The following IQSEC1 variants were observed in gnomAD, a reference collection of about 807,000 sequenced individuals.
IQSEC1 encodes IQ motif and SEC7 domain-containing protein 1.
Under a neutral mutation model 91.0 loss-of-function variants are expected in IQSEC1, and 31 were observed. That is an observed-to-expected ratio of 0.34 (90% confidence interval 0.26 to 0.46). The LOEUF (loss-of-function observed/expected upper bound fraction) is 0.46, where lower values mean the gene tolerates loss of function less well. Ranked by LOEUF, IQSEC1 falls within the 20% of genes least tolerant of loss-of-function variation. The probability of loss-of-function intolerance (pLI) is 1.00; values close to 1 mark genes in which losing one functional copy is unlikely to be tolerated. For synonymous variants in IQSEC1, 699 were observed against 662.6 expected, an observed-to-expected ratio of 1.05 and a Z score of -0.84; for missense variants, 1,388 against 1,575.6, an observed-to-expected ratio of 0.88 and a Z score of 2.02.
Position 12,967,396 on chromosome 3 carries a change from A to C in IQSEC1, c.24-25531T>G. 1 of 1,535,378 alleles carries C rather than the reference A, an allele frequency of 6.5e-7. No individual in the cohort carries two copies. Among genetic ancestry groups the C allele is most frequent in the South Asian group, 1.2e-5 (1 of 83,278 alleles). On this transcript the variant is annotated intron_variant, in intron 1 of 13. Transcript: ENST00000613206. This position sits in a 1 kb window ranked among gnomAD's most constrained non-coding sequence, Gnocchi z 5.9. ...CGCGCCGCGCCCTCACCCGCTGTCA[A>C]GCTCTAGCTCCAGAAGGGACTGGGT...
rs772802850 is a variant in IQSEC1, at chr3:12,936,667, G to GC, written c.348dup (p.Arg117AlafsTer52). 2.5e-6 allele frequency: 4 copies of GC among 1,593,874 alleles called. No homozygotes were observed. The highest frequency in any genetic ancestry group is 1.1e-5 in the South Asian group (1 of 88,810). On this transcript the variant is annotated frameshift_variant, in exon 3 of 14. Transcript: ENST00000613206. LOFTEE classifies it high-confidence loss of function. ...CGGGCCGCATGGCGGGTTACCAGGC[G>GC]CCCCCCATACTTTCGTTCTAGCATC...
At chr3:13,028,267 G>A (rs147494337) in intron 1 of IQSEC1, among the ~76,000 whole-genome samples, 169 of 152,360 alleles carry the variant, frequency 1.1e-3, no homozygotes, top group African/African-American at 3.9e-3. Flanking sequence ...CCCTTATTTT[G>A]CAAATAAAAC....
chr3:12,994,400 C>T lies in IQSEC1; in HGVS notation c.24-52535G>A, dbSNP rs987612405. ...GTGCCGCCCCGGCCGCCGACGTCACCCGAGCCTGGACGAGTGGAGGGCGCT... is the reference window on the plus strand; with the variant it reads ...GTGCCGCCCCGGCCGCCGACGTCACTCGAGCCTGGACGAGTGGAGGGCGCT... On this transcript the variant is annotated intron_variant, in intron 1 of 13. Coordinates refer to ENST00000613206, the MANE Select transcript of IQSEC1 (RefSeq NM_001134382.3). This position sits in a 1 kb window ranked among gnomAD's most constrained non-coding sequence, Gnocchi z 4.5. Among the ~76,000 whole-genome samples, 12 of 152,092 alleles carry T rather than the reference C, an allele frequency of 7.9e-5. No individual in the cohort carries two copies. Among genetic ancestry groups the T allele is most frequent in the African/African-American group, 2.7e-4 (11 of 41,440 alleles).
intron 2 of IQSEC1, among the ~76,000 whole-genome samples, chr3:13,104,270 G>A (rs986228977): frequency 1.3e-5 from 2 of 152,132 alleles, no homozygotes; most frequent in African/African-American, 2.4e-5. Context: ...AGTCTGTTGG[G>A]GCAAATCTAG....
At chr3:13,251,381 G>C (rs901849312) in intron 1 of IQSEC1, among the ~76,000 whole-genome samples, 7 of 152,138 alleles carry the variant, frequency 4.6e-5, no homozygotes, top group African/African-American at 1.7e-4. Context: ...TCCTTGTATT[G>C]TGCACTGTGG....
In IQSEC1 at chr3:12,907,067, C is replaced by T. The variant is rs138110056; in HGVS notation, c.2755+1282G>A. 3.7e-3 allele frequency among the ~76,000 whole-genome samples: 566 copies of T among 152,204 alleles called. 5 individuals are homozygous for T. Among genetic ancestry groups the T allele is most frequent in the African/African-American group, 0.013 (539 of 41,504 alleles). On this transcript the variant is annotated intron_variant, in intron 12 of 13. Coordinates refer to ENST00000613206, the MANE Select transcript of IQSEC1 (RefSeq NM_001134382.3). Reference sequence around the variant, plus strand: ...CAACCAGTAGTAGAGGCCAGGAATGCGAGTAAACATCTTGCCAAGCCCGGG... The same window carrying T: ...CAACCAGTAGTAGAGGCCAGGAATGTGAGTAAACATCTTGCCAAGCCCGGG...
intron 2 of IQSEC1, among the ~76,000 whole-genome samples, chr3:13,110,504 G>A (rs1046709809): frequency 3.3e-5 from 5 of 152,108 alleles, no homozygotes; most frequent in African/African-American, 4.8e-5. Context: ...CAGGAGAATC[G>A]TTTGAACCCG....
At chr3:13,226,235 T>A (rs762169025) in intron 1 of IQSEC1, among the ~76,000 whole-genome samples, 1 of 152,220 alleles carries the variant, frequency 6.6e-6, no homozygotes, top group Non-Finnish European at 1.5e-5. Context: ...GAACACAGAT[T>A]CTGAAACCAG....
intron 1 of IQSEC1, among the ~76,000 whole-genome samples, chr3:12,971,969 G>A (rs972414919): frequency 3.3e-5 from 5 of 151,972 alleles, no homozygotes; most frequent in South Asian, 2.1e-4. Context: ...AGCCGAGATC[G>A]TGCCACTGCA....
chr3:12,901,951 C>T (rs1275762924), intron 13 of IQSEC1, among the ~76,000 whole-genome samples: 1 of 151,852 alleles, frequency 6.6e-6, no homozygotes, highest in Non-Finnish European at 1.5e-5. Context: ...ACAGGGCCCT[C>T]AGCTCTCCTG....
chr3:12,955,714 T>C (rs1342855140), intron 1 of IQSEC1, among the ~76,000 whole-genome samples: 2 of 152,366 alleles, frequency 1.3e-5, no homozygotes, highest in East Asian at 3.9e-4. Context: ...CAAAGCCCTT[T>C]ATTCTCCCGA....
intron 1 of IQSEC1, among the ~76,000 whole-genome samples, chr3:13,006,563 C>A (rs1479258737): frequency 6.6e-6 from 1 of 152,230 alleles, no homozygotes; most frequent in African/African-American, 2.4e-5. Context: ...CCAAGGGCAA[C>A]CAGCACAACT....
intron 1 of IQSEC1, among the ~76,000 whole-genome samples, chr3:13,265,651 G>A (rs1333871665): frequency 6.6e-6 from 1 of 152,102 alleles, no homozygotes. Context: ...TCCCTCTGGT[G>A]CAGCCACTGT....
intron 1 of IQSEC1, among the ~76,000 whole-genome samples, chr3:12,982,356 A>C (rs1559696969): frequency 6.6e-6 from 1 of 152,338 alleles, no homozygotes; most frequent in East Asian, 1.9e-4. Context: ...AATTAAAATT[A>C]AGACATCATC....
intron 3 of IQSEC1, among the ~76,000 whole-genome samples, chr3:12,926,900 C>T (rs1031154571): frequency 3.9e-5 from 6 of 152,344 alleles, no homozygotes; most frequent in East Asian, 1.9e-4. Flanking sequence ...CAGACACCAG[C>T]CAGCTTGGTC....
chr3:13,254,706 C>G lies in IQSEC1; in HGVS notation c.272+28005G>C, dbSNP rs954229493. On this transcript the variant is annotated intron_variant, in intron 1 of 15. Transcript: ENST00000648114. The stretch of plus-strand genomic sequence containing the variant: ...TTTCCTCCCTCCTCCTCCATGGACT[C>G]AAGTCCAGGTTCTACCACTCTACTG... 3.3e-5 allele frequency among the ~76,000 whole-genome samples: 5 copies of G among 152,232 alleles called. 1 individual carries two copies. The East Asian group carries it at 9.6e-4, about 29-fold the overall frequency.
intron 2 of IQSEC1, among the ~76,000 whole-genome samples, chr3:13,161,318 G>T (rs1390082791): frequency 6.6e-6 from 1 of 152,180 alleles, no homozygotes. Context: ...GGGGAGGGCC[G>T]TGGTCACACT....
rs375158193 is a variant in IQSEC1 at position 13,191,010 on chromosome 3, C to T, written c.273-26877G>A. 1.1e-3 allele frequency among the ~76,000 whole-genome samples: 170 copies of T among 152,320 alleles called. 4 individuals carry two copies. In the South Asian group the frequency reaches 0.034, roughly 30 times the overall value. On this transcript the variant is annotated intron_variant, in intron 1 of 15. Coordinates refer to the IQSEC1 transcript ENST00000648114. ...CTCCGACAGCACCCCTCCTCCTGCC[C>T]CCAACACACCCCTTGCCATGGCCGT...
chr3:12,947,394 T>C (rs746527548), intron 1 of IQSEC1, among the ~76,000 whole-genome samples: 1 of 152,076 alleles, frequency 6.6e-6, no homozygotes. Context: ...CCTGTCTGAG[T>C]CTGCCATCTT....
Sources: allele counts gnomAD v4.1 joint callset (sites outside exome capture counted in the v4.1 genomes callset), GRCh38; gene constraint gnomAD v4.1.1; non-coding constraint Gnocchi (gnomAD v3.1); transcripts MANE v1.5; gene names NCBI Gene and HGNC (gene_info 2026-07-23, HGNC 2026-07-21).